Variants in PIK3C2B observed in about 807,000 individuals in gnomAD.
The protein encoded by PIK3C2B is phosphatidylinositol 4-phosphate 3-kinase C2 domain-containing subunit beta.
PIK3C2B carries 83 observed loss-of-function variants against 184.3 expected under a neutral mutation model. The observed-to-expected ratio is 0.45, with a 90% CI of 0.38 to 0.54. The LOEUF (loss-of-function observed/expected upper bound fraction) is 0.54. PIK3C2B is among the 20% of genes least tolerant of loss of function. PIK3C2B has a pLI of 0.00. For missense variants in PIK3C2B, 1,736 were observed against 2,113.5 expected (o/e 0.82, Z 3.50); for synonymous variants, 779 against 837.6 (o/e 0.93, Z 1.21).
chr1:204,443,872 G>C (rs895350154), intron 18 of PIK3C2B, among the ~76,000 whole-genome samples, 196 bp downstream of exon 18: 6 of 152,168 alleles, frequency 3.9e-5, no homozygotes, highest in Admixed American at 3.3e-4. Flanking sequence ...GGAGAGACAG[G>C]ATAACATAAT....
Position 204,447,326 on chromosome 1 carries a change from G to A in PIK3C2B, c.2489+110C>T. On this transcript the variant is annotated intron_variant, in intron 15 of 32. Transcript: ENST00000684373. This position sits in a 1 kb window ranked among gnomAD's most constrained non-coding sequence, Gnocchi z 4.1. ...GGGGGCTGCCTCCACTTCCTGCTGA[G>A]ATGGCAATGCCCACCCCTTCCCACC... 1 of 1,055,428 alleles carries A rather than the reference G, an allele frequency of 9.5e-7. No individual in the cohort carries two copies. 65.4% of individuals were successfully genotyped at this position (1,055,428 alleles called of 1,614,324 possible).
At chr1:204,461,398 A>G (rs1655325678) in intron 5 of PIK3C2B, among the ~76,000 whole-genome samples, 1 of 152,148 alleles carries the variant, frequency 6.6e-6, no homozygotes, top group Admixed American at 6.5e-5. Flanking sequence ...TTCAACAGCA[A>G]GGAAACCCAA....
At chr1:204,485,851 G>A (rs1558287481) in intron 1 of PIK3C2B, among the ~76,000 whole-genome samples, 1 of 151,980 alleles carries the variant, frequency 6.6e-6, no homozygotes, top group Non-Finnish European at 1.5e-5. Flanking sequence ...GATTACAGCC[G>A]TGAGCCACTG....
chr1:204,435,029 C>G (rs1675268207), intron 23 of PIK3C2B, among the ~76,000 whole-genome samples: 1 of 152,174 alleles, frequency 6.6e-6, no homozygotes, highest in South Asian at 2.1e-4. Flanking sequence ...CTGAGGAAGC[C>G]AACTTAAGAA....
Position 204,447,318 on chromosome 1 carries a change from C to CCA in PIK3C2B, c.2489+117_2489+118insTG. ...AAAGGCCTGGGGGCTGCCTCCACTT[C>CCA]CTGCTGAGATGGCAATGCCCACCCC... On this transcript the variant is annotated intron_variant, in intron 15 of 32. Transcript: ENST00000684373. This position sits in a 1 kb window ranked among gnomAD's most constrained non-coding sequence, Gnocchi z 4.1. 3.1e-6 allele frequency: 3 copies of CCA among 968,608 alleles called. No individual in the cohort carries two copies. The highest frequency in any genetic ancestry group is 4.7e-6 in the Non-Finnish European group (3 of 643,506). The allele number at this position is 968,608 out of a possible 1,614,324, so 60.0% of individuals were successfully genotyped here. A position where few individuals can be genotyped will look rare whatever the true frequency, so the allele number is the denominator to read the frequency against.
Position 204,456,056 on chromosome 1 carries a change from G to T in PIK3C2B, c.1748-5C>A. The stretch of plus-strand genomic sequence containing the variant: ...TCAGGGCTTCCACGACCTTCTCTGG[G>T]AAGGGAAGGGGTCAGAAGGGAAAGT... On this transcript the variant is annotated splice_polypyrimidine_tract_variant and splice_region_variant and intron_variant, in intron 10 of 32. Coordinates refer to ENST00000684373, the MANE Select transcript of PIK3C2B (RefSeq NM_001377334.1). 6.2e-7 allele frequency: 1 copy of T among 1,610,846 alleles called. No homozygotes were observed. The highest frequency in any genetic ancestry group is 1.1e-5 in the South Asian group (1 of 90,738).
chr1:204,458,637 G>A (rs1572350846), intron 8 of PIK3C2B, among the ~76,000 whole-genome samples: 5 of 152,110 alleles, frequency 3.3e-5, no homozygotes, highest in South Asian at 4.1e-4. Flanking sequence ...GGGATTACAG[G>A]CGCCTGCAAC....
At chr1:204,430,639 G>A (rs907619805) in intron 28 of PIK3C2B, among the ~76,000 whole-genome samples, 2 of 151,010 alleles carry the variant, frequency 1.3e-5, no homozygotes, top group African/African-American at 4.9e-5. Flanking sequence ...CACCGCACCC[G>A]GCCAAAAAAT....
chr1:204,439,152 T>C (rs1453269901), intron 22 of PIK3C2B, 81 bp from the exon 23 acceptor site: 1 of 1,409,684 alleles, frequency 7.1e-7, no homozygotes. Flanking sequence ...ACTGTGCTCA[T>C]GCTTCCCTAT....
rs1653979850 is a variant in PIK3C2B, at chr1:204,447,507, A to G, written c.2418T>C (p.Tyr806=). The change falls in exon 15 of 33, where the codon TAT becomes TAC. Residue 806 remains tyrosine (Y), a synonymous_variant. Transcript: ENST00000684373. This position sits in a 1 kb window ranked among gnomAD's most constrained non-coding sequence, Gnocchi z 4.1. Reference sequence around the variant, plus strand: ...CTTCTTCCCGGAGGCTGCCAAACTCATAGCGGGGGCTGAACTTGTCTCCAG... The same window carrying G: ...CTTCTTCCCGGAGGCTGCCAAACTCGTAGCGGGGGCTGAACTTGTCTCCAG... ...SPPGDKFSPR[Y]EFGSLREEDQ... The G allele has an allele frequency of 1.9e-6, 3 of 1,612,156 alleles. No homozygotes were observed. The highest frequency in any genetic ancestry group is 2.5e-6 in the Non-Finnish European group (3 of 1,179,136).
chr1:204,492,904 C>T (rs1572416437), intron 1 of PIK3C2B, among the ~76,000 whole-genome samples: 1 of 152,176 alleles, frequency 6.6e-6, no homozygotes, highest in East Asian at 1.9e-4. Flanking sequence ...GGGTCTAGGG[C>T]TCCAGCTCAG....
intron 10 of PIK3C2B, among the ~76,000 whole-genome samples, chr1:204,456,807 A>C (rs916591352): frequency 4.0e-5 from 6 of 151,708 alleles, no homozygotes; most frequent in Non-Finnish European, 8.8e-5. Flanking sequence ...ATGACTAGGA[A>C]AAATAATAAG....
At position 204,469,514 on chromosome 1, in the gene PIK3C2B, A is replaced by C; in HGVS notation, c.289T>G (p.Ser97Ala). The C allele has an allele frequency of 6.2e-7, 1 of 1,607,400 alleles. No homozygotes were observed. The highest frequency in any genetic ancestry group is 8.5e-7 in the Non-Finnish European group (1 of 1,176,682). The change falls in exon 2 of 33, where the codon TCC becomes GCC. Residue 97 changes from serine to alanine, a missense_variant. Around this residue, in one of 8 missense-constraint regions of PIK3C2B, gnomAD observed 404 missense variants for 418.0 expected, o/e 0.97. Transcript: ENST00000684373. ...TGGTTGGGCGGCCCTTCCTGTGGGG[A>C]GAGTGAGTTGTAGTTAAGGGTAGGA... ...SDPTLNYNSL[S>A]PQEGPPNHST...
At chr1:204,465,468 T>A (rs1009061737) in intron 2 of PIK3C2B, 149 bp from the exon 3 acceptor site, 2 of 621,696 alleles carry the variant, frequency 3.2e-6, no homozygotes, top group East Asian at 2.8e-5. Flanking sequence ...ATATGGGACA[T>A]CCGGGAATAC....
At chr1:204,431,613 G>A (rs753610533) in intron 28 of PIK3C2B, 56 bp downstream of exon 28, 148 of 1,605,640 alleles carry the variant, frequency 9.2e-5, no homozygotes, top group Non-Finnish European at 1.2e-4. Flanking sequence ...CTCCCATCCC[G>A]TATCCTTTCC....
chr1:204,486,980 G>T (rs1657649498), intron 1 of PIK3C2B, among the ~76,000 whole-genome samples: 1 of 152,118 alleles, frequency 6.6e-6, no homozygotes, highest in African/African-American at 2.4e-5. Context: ...GTTAATCTTT[G>T]TATTTTCAGT....
chr1:204,442,983 A>T (rs1675753773), intron 19 of PIK3C2B, among the ~76,000 whole-genome samples: 1 of 152,230 alleles, frequency 6.6e-6, no homozygotes, highest in Non-Finnish European at 1.5e-5. Flanking sequence ...CTCAATTTTT[A>T]AATGTCGTTA....
intron 13 of PIK3C2B, 94 bp downstream of exon 13, chr1:204,449,756 C>T: frequency 8.4e-7 from 1 of 1,192,918 alleles, no homozygotes; most frequent in Non-Finnish European, 1.2e-6. Flanking sequence ...CCAACTCTCC[C>T]AAGGCGCACT....
Position 204,434,060 on chromosome 1 carries a change from A to C in PIK3C2B, c.3687-111T>G, listed in dbSNP as rs571697074. 3 of 821,906 alleles carry C rather than the reference A, an allele frequency of 3.7e-6. No individual in the cohort carries two copies. The African/African-American group carries it at 5.1e-5, about 14-fold the overall frequency. The allele number at this position is 821,906 out of a possible 1,614,324, so 50.9% of individuals were successfully genotyped here. A position where few individuals can be genotyped will look rare whatever the true frequency, so the allele number is the denominator to read the frequency against. On this transcript the variant is annotated intron_variant, in intron 24 of 32. Coordinates refer to ENST00000684373, the MANE Select transcript of PIK3C2B (RefSeq NM_001377334.1). ...ATCCCTCATCACGTGGACACACTGGATAGAAGGGGCTCTAACTTTTTTCTT... is the reference window on the plus strand; with the variant it reads ...ATCCCTCATCACGTGGACACACTGGCTAGAAGGGGCTCTAACTTTTTTCTT...
Sources: allele counts gnomAD v4.1 joint callset (sites outside exome capture counted in the v4.1 genomes callset), GRCh38; gene constraint gnomAD v4.1.1; regional missense constraint gnomAD v4.1.1; non-coding constraint Gnocchi (gnomAD v3.1); transcripts MANE v1.5; gene names NCBI Gene and HGNC (gene_info 2026-07-23, HGNC 2026-07-21).